RIT2: variants seen among roughly 807,000 people sequenced by gnomAD.
RIT2 encodes Ras like without CAAX 2, also known as GTP-binding protein Rit2.
RIT2 carries 24 observed loss-of-function variants against 23.7 expected under a neutral mutation model. The observed-to-expected ratio is 1.01, with a 90% CI of 0.73 to 1.43. RIT2 has a LOEUF of 1.43. Among genes scored for constraint, RIT2 ranks in the 40% most tolerant of loss-of-function variants. The probability of loss-of-function intolerance (pLI) is 0.00; values close to 1 mark genes in which losing one functional copy is unlikely to be tolerated. For synonymous variants in RIT2, 107 were observed against 91.1 expected (o/e 1.17, Z -0.99); for missense variants, 236 against 266.9 (o/e 0.88, Z 0.81).
intron 4 of RIT2, among the ~76,000 whole-genome samples, chr18:42,891,902 C>T (rs1056426275): frequency 8.6e-5 from 13 of 151,930 alleles, no homozygotes; most frequent in African/African-American, 2.7e-4. Flanking sequence ...AGGGTAATAA[C>T]GGTGTGTCAA....
At chr18:42,964,135 G>C (rs562361390) in intron 3 of RIT2, among the ~76,000 whole-genome samples, 1 of 152,096 alleles carries the variant, frequency 6.6e-6, no homozygotes, top group African/African-American at 2.4e-5. Flanking sequence ...AGGTTGCAGC[G>C]AGCCGAGATT....
Position 42,993,958 on chromosome 18 carries a change from C to A in RIT2, c.161-19811G>T, listed in dbSNP as rs188668684. The stretch of plus-strand genomic sequence containing the variant: ...TTTTAAAGCCTATAAACTCTCCTTA[C>A]AATTCCCCCATTTTACCTGTCCAAA... On this transcript the variant is annotated intron_variant, in intron 2 of 4. Transcript: ENST00000326695. Among the ~76,000 whole-genome samples, 9 of 152,218 alleles carry A rather than the reference C, an allele frequency of 5.9e-5. No homozygotes were observed. The East Asian group carries it at 1.2e-3, about 20-fold the overall frequency.
intron 1 of RIT2, among the ~76,000 whole-genome samples, chr18:43,114,909 A>T (rs2088712721): frequency 6.6e-6 from 1 of 152,168 alleles, no homozygotes; most frequent in South Asian, 2.1e-4. Context: ...TTCTTTTGGT[A>T]TTCAAAGCCC....
At chr18:43,053,389 C>A (rs1912428831) in intron 1 of RIT2, among the ~76,000 whole-genome samples, 1 of 151,892 alleles carries the variant, frequency 6.6e-6, no homozygotes, top group African/African-American at 2.4e-5. Context: ...AACTAGTATG[C>A]TCATTATTGT....
At chr18:43,021,232 G>T (rs1911590098) in intron 2 of RIT2, among the ~76,000 whole-genome samples, 1 of 151,946 alleles carries the variant, frequency 6.6e-6, no homozygotes. Context: ...GAACTCGAAA[G>T]GATATTTCTC....
At chr18:42,780,873 C>T (rs540834459) in intron 4 of RIT2, among the ~76,000 whole-genome samples, 9 of 147,918 alleles carry the variant, frequency 6.1e-5, no homozygotes, top group Admixed American at 2.0e-4. Flanking sequence ...CAGTCTGTTG[C>T]GGGGGGCTTA....
rs185127682 is a variant in RIT2 at position 43,009,422 on chromosome 18, C to T, written c.160+24389G>A. 8.8e-3 allele frequency among the ~76,000 whole-genome samples: 1,333 copies of T among 151,638 alleles called. 9 individuals carry two copies. Among genetic ancestry groups the T allele is most frequent in the Non-Finnish European group, 0.014 (933 of 67,746 alleles). ...CTTCTGCACTCTCAGGTCCTATTTG[C>T]AGGGATAGGAAAAAAACAGACTTAT... On this transcript the variant is annotated intron_variant, in intron 2 of 4. Transcript: ENST00000326695.
intron 4 of RIT2, among the ~76,000 whole-genome samples, chr18:42,751,664 T>C (rs1160898438): frequency 1.3e-5 from 2 of 152,002 alleles, no homozygotes; most frequent in Admixed American, 6.6e-5. Context: ...GTAGGAATCA[T>C]CGACCATCTA....
At chr18:42,871,827 G>A (rs1907628180) in intron 4 of RIT2, among the ~76,000 whole-genome samples, 2 of 152,178 alleles carry the variant, frequency 1.3e-5, no homozygotes, top group African/African-American at 4.8e-5. Context: ...TAACTTAAGA[G>A]TGGTTAAGTA....
chr18:43,064,933 C>T (rs200435481), intron 1 of RIT2, among the ~76,000 whole-genome samples: 2 of 152,258 alleles, frequency 1.3e-5, no homozygotes, highest in East Asian at 3.9e-4. Flanking sequence ...TCTCCTGCCT[C>T]AGCCTCTCCA....
chr18:42,821,038 C>T (rs1385380992), intron 4 of RIT2, among the ~76,000 whole-genome samples: 1 of 151,498 alleles, frequency 6.6e-6, no homozygotes, highest in East Asian at 1.9e-4. Flanking sequence ...CCTTCATCTT[C>T]CCCCATGAAT....
intron 4 of RIT2, among the ~76,000 whole-genome samples, chr18:42,807,914 A>G (rs1322892668): frequency 6.6e-6 from 1 of 152,038 alleles, no homozygotes; most frequent in Admixed American, 6.5e-5. Flanking sequence ...AAAGATGTTA[A>G]AGAAGGCTTT....
chr18:43,098,908 A>G (rs1913617459), intron 1 of RIT2, among the ~76,000 whole-genome samples: 1 of 152,032 alleles, frequency 6.6e-6, no homozygotes, highest in African/African-American at 2.4e-5. Flanking sequence ...CCTCAGAGGA[A>G]TGAACAGTCA....
At chr18:42,949,808 AT>A (rs1390334198) in intron 3 of RIT2, among the ~76,000 whole-genome samples, 1 of 152,140 alleles carries the variant, frequency 6.6e-6, no homozygotes, top group African/African-American at 2.4e-5. Context: ...ATAAAAAAAA[AT>A]AAAAGTCTCA....
chr18:42,921,299 C>T (rs1474898261), intron 4 of RIT2, among the ~76,000 whole-genome samples: 1 of 152,082 alleles, frequency 6.6e-6, no homozygotes, highest in African/African-American at 2.4e-5. Context: ...GCAAAGATTG[C>T]AATTTGTGTT....
At chr18:42,768,391 C>T (rs371277678) in intron 4 of RIT2, among the ~76,000 whole-genome samples, 1 of 152,262 alleles carries the variant, frequency 6.6e-6, no homozygotes, top group East Asian at 1.9e-4. Flanking sequence ...TCCATGGATA[C>T]CTCATCCTGG....
At chr18:42,744,074 A>G (rs1448004404) in intron 4 of RIT2, among the ~76,000 whole-genome samples, 10 of 152,114 alleles carry the variant, frequency 6.6e-5, no homozygotes, top group African/African-American at 1.9e-4. Flanking sequence ...TCCTGGCTCA[A>G]AAAGCTCCCC....
intron 3 of RIT2, among the ~76,000 whole-genome samples, chr18:42,928,564 A>C (rs1198593746): frequency 2.0e-5 from 3 of 152,072 alleles, no homozygotes; most frequent in Non-Finnish European, 4.4e-5. Context: ...ATAGCACAGA[A>C]TCATGTGATT....
At chr18:43,114,729 T>A (rs1914029253) in intron 1 of RIT2, among the ~76,000 whole-genome samples, 1 of 152,190 alleles carries the variant, frequency 6.6e-6, no homozygotes, top group African/African-American at 2.4e-5. Context: ...ACACTTCCGT[T>A]CTTTATGTAC....
Sources: allele counts gnomAD v4.1 joint callset (sites outside exome capture counted in the v4.1 genomes callset), GRCh38; gene constraint gnomAD v4.1.1; transcripts MANE v1.5; gene names NCBI Gene and HGNC (gene_info 2026-07-23, HGNC 2026-07-21).